Variants in ANKRD12 observed in about 807,000 individuals in gnomAD.
ANKRD12 encodes ankyrin repeat domain 12.
ANKRD12 carries 85 observed loss-of-function variants against 183.4 expected under a neutral mutation model. The ratio of observed to expected loss-of-function variants is 0.46; its 90% CI spans 0.39 to 0.56. The LOEUF (loss-of-function observed/expected upper bound fraction) is 0.56. ANKRD12 is among the 20% of genes least tolerant of loss of function. The pLI, the probability that ANKRD12 is intolerant of heterozygous loss-of-function variation, is 0.00. For missense variants in ANKRD12, 2,405 were observed against 2,357.1 expected, an observed-to-expected ratio of 1.02 and a Z score of -0.42; for synonymous variants, 914 against 800.2, an observed-to-expected ratio of 1.14 and a Z score of -2.40.
chr18:9,182,124 A>T (rs1478754515), intron 1 of ANKRD12, among the ~76,000 whole-genome samples: 1 of 152,178 alleles, frequency 6.6e-6, no homozygotes, highest in East Asian at 1.9e-4. Context: ...CACTGCTTCC[A>T]CTTTCACTGC....
intron 3 of ANKRD12, among the ~76,000 whole-genome samples, chr18:9,201,092 A>G (rs2035138284): frequency 6.6e-6 from 1 of 152,238 alleles, no homozygotes; most frequent in Non-Finnish European, 1.5e-5. Context: ...AGTCTGAAAA[A>G]TCATACTTTT....
intron 9 of ANKRD12, chr18:9,260,526 C>T (rs2038903822): frequency 1.3e-5 from 2 of 152,060 alleles, no homozygotes; most frequent in Non-Finnish European, 2.9e-5. Flanking sequence ...GGGAGGAAAA[C>T]GAGATTTGTT....
At chr18:9,252,944 G>A (rs756923296) in intron 8 of ANKRD12, among the ~76,000 whole-genome samples, 7 of 152,146 alleles carry the variant, frequency 4.6e-5, no homozygotes, top group Non-Finnish European at 7.4e-5. Context: ...GTGCATATGT[G>A]CAGAATTTAC....
In ANKRD12 at chr18:9,257,281, G is replaced by A. The variant is rs2038692375; in HGVS notation, c.4014G>A (p.Val1338=). ...GCAATCAAGGTAGCTTATTAACTGT[G>A]CCAGGAGATACTAGTCCTTCTCCCA... The part of the protein sequence containing the change: ...EESNQGSLLT[V]PGDTSPSPKP... The change falls in exon 9 of 13, where the codon GTG becomes GTA. Residue 1338 remains valine, a synonymous_variant. Transcript: ENST00000262126. 1.9e-6 allele frequency: 3 copies of A among 1,613,928 alleles called. No individual in the cohort carries two copies. Among genetic ancestry groups the A allele is most frequent in the Admixed American group, 1.7e-5 (1 of 59,990 alleles).
chr18:9,185,740 A>G (rs76523554), intron 2 of ANKRD12, among the ~76,000 whole-genome samples: 1,599 of 152,276 alleles, frequency 0.011, 23 homozygotes, highest in African/African-American at 0.037. Flanking sequence ...AGAGACAAGG[A>G]AAGAGGAGGA....
At chr18:9,231,824 CAAAAAA>C (rs60799678) in intron 8 of ANKRD12, among the ~76,000 whole-genome samples, 2 of 102,440 alleles carry the variant, frequency 2.0e-5, no homozygotes, top group African/African-American at 4.1e-5. Context: ...GACTCTGTCT[CAAAAAA>C]AAAAAAAAAA....
chr18:9,188,057 C>T (rs751354907), intron 2 of ANKRD12, among the ~76,000 whole-genome samples: 126 of 152,280 alleles, frequency 8.3e-4, no homozygotes, highest in Admixed American at 1.6e-3. Flanking sequence ...TGAGATTTTA[C>T]CCTACTTGTA....
At chr18:9,187,552 A>G (rs2034172136) in intron 2 of ANKRD12, among the ~76,000 whole-genome samples, 1 of 152,252 alleles carries the variant, frequency 6.6e-6, no homozygotes, top group African/African-American at 2.4e-5. Context: ...TCATTTAAGT[A>G]GAGCATAACT....
chr18:9,184,466 C>T (rs916839065), intron 2 of ANKRD12, among the ~76,000 whole-genome samples: 1 of 151,922 alleles, frequency 6.6e-6, no homozygotes, highest in East Asian at 1.9e-4. Flanking sequence ...GATCTCAGCT[C>T]ACTGCAGCCT....
chr18:9,261,524 T>C (rs1470472519), intron 9 of ANKRD12, among the ~76,000 whole-genome samples: 1 of 152,230 alleles, frequency 6.6e-6, no homozygotes, highest in Non-Finnish European at 1.5e-5. Context: ...GAACATACTT[T>C]AAGAAAAGCA....
chr18:9,184,740 A>G (rs1244705407), intron 2 of ANKRD12, among the ~76,000 whole-genome samples: 6 of 152,230 alleles, frequency 3.9e-5, no homozygotes, highest in Non-Finnish European at 2.9e-5. Context: ...AAAGTATACA[A>G]TTCAGTTGTT....
rs112015189 is a variant in ANKRD12, at chr18:9,137,551, G to T, written c.-52+586G>T. 5 of 149,918 alleles carry T rather than the reference G, an allele frequency of 3.3e-5. No homozygotes were observed. The East Asian group carries it at 7.7e-4, about 23-fold the overall frequency. 9.3% of individuals were successfully genotyped at this position (149,918 alleles called of 1,614,324 possible). On this transcript the variant is annotated intron_variant, in intron 1 of 12. Coordinates refer to ENST00000262126, the MANE Select transcript of ANKRD12 (RefSeq NM_015208.5). Reference sequence around the variant, plus strand: ...AGCCGCCGAGCGTGCGCCGACGCCGGGGAGTCTGCCGCGGCCGCTCGGGCC... The same window carrying T: ...AGCCGCCGAGCGTGCGCCGACGCCGTGGAGTCTGCCGCGGCCGCTCGGGCC...
In ANKRD12 at chr18:9,284,667, T is replaced by C. The variant is rs2040183363; in HGVS notation, c.*3541T>C. 6.6e-6 allele frequency: 1 copy of C among 152,206 alleles called. No homozygotes were observed. The highest frequency in any genetic ancestry group is 2.4e-5 in the African/African-American group (1 of 41,456). The allele number at this position is 152,206 out of a possible 1,614,324, so 9.4% of individuals were successfully genotyped here. A position where few individuals can be genotyped will look rare whatever the true frequency, so the allele number is the denominator to read the frequency against. ...CCGTCTTTGTACCTAAAATGGAGTT[T>C]TTTTTTAAGCCTCCACAGAGATAGT... On this transcript the variant is annotated 3_prime_UTR_variant, in exon 13 of 13. Coordinates refer to ENST00000262126, the MANE Select transcript of ANKRD12 (RefSeq NM_015208.5).
In ANKRD12 at chr18:9,254,193, T is replaced by C. The variant is rs2038462917; in HGVS notation, c.944-18T>C. ...TGTTTTGTTTGACCCACACCACATTTTCTTTTTTTTATTCTAGATTCCGAA... is the reference window on the plus strand; with the variant it reads ...TGTTTTGTTTGACCCACACCACATTCTCTTTTTTTTATTCTAGATTCCGAA... On this transcript the variant is annotated intron_variant, in intron 8 of 12. Coordinates refer to ENST00000262126, the MANE Select transcript of ANKRD12 (RefSeq NM_015208.5). The C allele has an allele frequency of 6.8e-7, 1 of 1,480,698 alleles. No homozygotes were observed. The highest frequency in any genetic ancestry group is 8.9e-7 in the Non-Finnish European group (1 of 1,119,104). 91.7% of individuals were successfully genotyped at this position (1,480,698 alleles called of 1,614,324 possible).
At position 9,254,304 on chromosome 18, in the gene ANKRD12, A is replaced by G; in HGVS notation, c.1037A>G (p.Gln346Arg). ...GACTCTCTCATCTGTGAAAGTAAAC[A>G]GATACTTCCCAGTAAAACACCTCTT... ...EKDSLICESKQILPSKTPLPS... is the reference protein window; with the variant it reads ...EKDSLICESKRILPSKTPLPS... Residue 346 changes from glutamine (Q) to arginine (R), a missense_variant, in exon 9 of 13, where the codon CAG becomes CGG. Gln to Arg is a conservative substitution (Grantham distance 43, BLOSUM62 1). Transcript: ENST00000262126. 2.5e-6 allele frequency: 4 copies of G among 1,612,746 alleles called. No individual in the cohort carries two copies. Among genetic ancestry groups the G allele is most frequent in the Non-Finnish European group, 3.4e-6 (4 of 1,179,428 alleles).
rs528080784 is a variant in ANKRD12, at chr18:9,271,515, C to T, written c.5764-4009C>T. ...GCCTGGGGGACAGAGCGTGAGACTC[C>T]GTCTCAAAAAAAAAAATTTTTTTAT... On this transcript the variant is annotated intron_variant, in intron 10 of 12. Coordinates refer to ENST00000262126, the MANE Select transcript of ANKRD12 (RefSeq NM_015208.5). Among the ~76,000 whole-genome samples the T allele has an allele frequency of 4.6e-3, 696 of 151,830 alleles. 4 individuals carry two copies. The highest frequency in any genetic ancestry group is 7.8e-3 in the Non-Finnish European group (527 of 67,948).
Position 9,257,480 on chromosome 18 carries a change from T to A in ANKRD12, c.4213T>A (p.Leu1405Ile). ...CACTGTAATGGACAGTCCAGTGCAT[T>A]TAGAGCCATCTAGTCAGGTTGGTGT... ...VNTVMDSPVH[L>I]EPSSQVGVIQ... Residue 1405 changes from leucine (L) to isoleucine (I), a missense_variant, in exon 9 of 13, where the codon TTA becomes ATA. By Grantham distance (5) the Leu-to-Ile change is conservative. Coordinates refer to ENST00000262126, the MANE Select transcript of ANKRD12 (RefSeq NM_015208.5). 6.2e-7 allele frequency: 1 copy of A among 1,614,088 alleles called. No homozygotes were observed. The highest frequency in any genetic ancestry group is 2.2e-5 in the East Asian group (1 of 44,884).
At chr18:9,147,426 C>CT (rs1374123681) in intron 1 of ANKRD12, among the ~76,000 whole-genome samples, 1 of 151,388 alleles carries the variant, frequency 6.6e-6, no homozygotes, top group Admixed American at 6.6e-5. Context: ...TTGTGGGGGG[C>CT]TGCAGAGGGG....
intron 1 of ANKRD12, among the ~76,000 whole-genome samples, chr18:9,167,243 A>G (rs551415254): frequency 2.7e-5 from 4 of 148,224 alleles, no homozygotes; most frequent in South Asian, 4.2e-4. Flanking sequence ...GTTTTTTCCA[A>G]TTCTGTGAAG....
Sources: gnomAD v4.1 joint callset for allele counts (sites outside exome capture counted in the v4.1 genomes callset) on GRCh38, gnomAD v4.1.1 for gene constraint, MANE v1.5 for transcripts, NCBI Gene and HGNC (gene_info 2026-07-23, HGNC 2026-07-21) for gene names.